Variants in PTPRD observed in about 807,000 individuals in gnomAD.
PTPRD encodes receptor-type tyrosine-protein phosphatase delta.
In PTPRD, 34 loss-of-function variants were observed where a neutral mutation model predicts 214.5. That is an observed-to-expected ratio of 0.16 (90% CI 0.12 to 0.21). PTPRD has a LOEUF of 0.21. Among genes scored for constraint, PTPRD ranks in the 10% least tolerant of loss-of-function variants. PTPRD has a pLI of 1.00. For missense variants in PTPRD, 2,545 were observed against 2,398.7 expected, an observed-to-expected ratio of 1.06 and a Z score of -1.27; for synonymous variants, 1,128 against 845.7, an observed-to-expected ratio of 1.33 and a Z score of -5.79.
chr9:9,597,143 C>A (rs917479615), intron 7 of PTPRD, among the ~76,000 whole-genome samples: 13 of 151,944 alleles, frequency 8.6e-5, no homozygotes, highest in Admixed American at 3.3e-4. Context: ...CTCTCCAACA[C>A]TGTGGAAGCA....
chr9:9,470,108 G>A (rs1224322486), intron 8 of PTPRD, among the ~76,000 whole-genome samples: 1 of 152,158 alleles, frequency 6.6e-6, no homozygotes, highest in African/African-American at 2.4e-5. Flanking sequence ...GCCAGTGGTG[G>A]CCAGGCTGTC....
In PTPRD at chr9:9,986,445, G is replaced by T. The variant is rs539391604; in HGVS notation, c.-472+47273C>A. On this transcript the variant is annotated intron_variant, in intron 4 of 45. Coordinates refer to ENST00000381196, the MANE Select transcript of PTPRD (RefSeq NM_002839.4). ...AGAATATTTTTAGGTGATATGACAT[G>T]TGATTAAGAACTATAATTATAAAGT... 6.5e-4 allele frequency among the ~76,000 whole-genome samples: 99 copies of T among 152,188 alleles called. 1 individual carries two copies. In the South Asian group the frequency reaches 0.02, roughly 31 times the overall value.
At chr9:8,323,933 C>T (rs1203402266) in intron 44 of PTPRD, among the ~76,000 whole-genome samples, 1 of 152,108 alleles carries the variant, frequency 6.6e-6, no homozygotes, top group African/African-American at 2.4e-5. Context: ...GTCACTTAGT[C>T]ACTTGATGTG....
chr9:9,207,431 C>T (rs138018782), intron 9 of PTPRD, among the ~76,000 whole-genome samples: 1 of 151,760 alleles, frequency 6.6e-6, no homozygotes. Flanking sequence ...AAAAATCAAT[C>T]ATACAATAGA....
chr9:9,799,967 T>C (rs1172763585), intron 5 of PTPRD, among the ~76,000 whole-genome samples: 1 of 152,136 alleles, frequency 6.6e-6, no homozygotes, highest in Non-Finnish European at 1.5e-5. Flanking sequence ...AAGAAATTCC[T>C]TTCAGTCTCC....
chr9:9,901,667 G>A (rs956410036), intron 5 of PTPRD, among the ~76,000 whole-genome samples: 5 of 152,044 alleles, frequency 3.3e-5, no homozygotes, highest in African/African-American at 1.2e-4. Context: ...GATTATATTA[G>A]TTAGTTCTCA....
chr9:8,659,501 A>C (rs2096986461), intron 12 of PTPRD, among the ~76,000 whole-genome samples: 1 of 152,188 alleles, frequency 6.6e-6, no homozygotes, highest in Admixed American at 6.5e-5. Context: ...AAGGTTTCTA[A>C]CCCTCTCCAT....
chr9:8,738,771 A>AAAAAAAC (rs2091144151), intron 11 of PTPRD, among the ~76,000 whole-genome samples: 1 of 150,968 alleles, frequency 6.6e-6, no homozygotes, highest in Admixed American at 6.6e-5. Context: ...TTAAGCATTA[A>AAAAAAAC]AAAAACAAAA....
intron 2 of PTPRD, among the ~76,000 whole-genome samples, chr9:10,479,014 A>C (rs2099080460): frequency 6.6e-6 from 1 of 152,166 alleles, no homozygotes. Flanking sequence ...AAAAACGATG[A>C]AAACTTTTCA....
At chr9:9,340,216 G>T (rs894548197) in intron 9 of PTPRD, among the ~76,000 whole-genome samples, 4 of 152,018 alleles carry the variant, frequency 2.6e-5, no homozygotes, top group Non-Finnish European at 5.9e-5. Context: ...ATCAATATGT[G>T]GATAAATGCC....
chr9:9,899,016 C>T (rs1001351542), intron 5 of PTPRD, among the ~76,000 whole-genome samples: 3 of 152,084 alleles, frequency 2.0e-5, no homozygotes, highest in Admixed American at 1.3e-4. Context: ...CAAAAATTTT[C>T]TGTAACTAAT....
chr9:8,498,729 T>G (rs931057702), intron 25 of PTPRD, among the ~76,000 whole-genome samples: 1 of 152,188 alleles, frequency 6.6e-6, no homozygotes, highest in Non-Finnish European at 1.5e-5. Context: ...CCTATCCCCA[T>G]GACATCTCAT....
chr9:8,919,892 A>G (rs1184417594), intron 11 of PTPRD, among the ~76,000 whole-genome samples: 1 of 151,632 alleles, frequency 6.6e-6, no homozygotes, highest in Non-Finnish European at 1.5e-5. Flanking sequence ...GCATACATAG[A>G]TGTACATGCA....
intron 35 of PTPRD, among the ~76,000 whole-genome samples, chr9:8,410,655 C>G (rs1171836046): frequency 6.6e-6 from 1 of 151,982 alleles, no homozygotes; most frequent in Non-Finnish European, 1.5e-5. Flanking sequence ...ATAAATATAC[C>G]ACACTCATTG....
At chr9:8,783,029 C>T (rs34498033) in intron 11 of PTPRD, among the ~76,000 whole-genome samples, 1 of 151,974 alleles carries the variant, frequency 6.6e-6, no homozygotes, top group Admixed American at 6.6e-5. Flanking sequence ...CTAAATCTTA[C>T]CCATTCCTCA....
At chr9:9,841,241 T>A (rs147273081) in intron 5 of PTPRD, among the ~76,000 whole-genome samples, 37 of 152,216 alleles carry the variant, frequency 2.4e-4, no homozygotes, top group African/African-American at 8.4e-4. Context: ...GGGTACGTAA[T>A]GTACATATTG....
intron 14 of PTPRD, among the ~76,000 whole-genome samples, chr9:8,561,647 C>A (rs146122414): frequency 2.0e-5 from 3 of 152,118 alleles, no homozygotes; most frequent in African/African-American, 7.2e-5. Flanking sequence ...CAGCTGGAAC[C>A]CTGCAAATTG....
intron 11 of PTPRD, among the ~76,000 whole-genome samples, chr9:8,754,974 T>A (rs1466878349): frequency 6.6e-6 from 1 of 151,990 alleles, no homozygotes; most frequent in Non-Finnish European, 1.5e-5. Context: ...ATGTTAGCCA[T>A]TAAAGAAATG....
chr9:10,523,657 A>AG (rs1381967423), intron 2 of PTPRD, among the ~76,000 whole-genome samples: 2 of 143,534 alleles, frequency 1.4e-5, no homozygotes, highest in Admixed American at 7.0e-5. Context: ...AGAGAGAGAG[A>AG]AATAAAGAGA....
Sources: gnomAD v4.1 joint callset for allele counts (sites outside exome capture counted in the v4.1 genomes callset) on GRCh38, gnomAD v4.1.1 for gene constraint, MANE v1.5 for transcripts, NCBI Gene and HGNC (gene_info 2026-07-23, HGNC 2026-07-21) for gene names.